Variants in THSD4 observed in about 807,000 individuals in gnomAD.
The protein encoded by THSD4 is thrombospondin type 1 domain containing 4.
THSD4 carries 69 observed loss-of-function variants against 119.0 expected under a neutral mutation model. The ratio of observed to expected loss-of-function variants is 0.58; its 90% CI spans 0.48 to 0.71. The LOEUF is 0.71. Among genes scored for constraint, THSD4 ranks in the 30% least tolerant of loss-of-function variants. The probability of loss-of-function intolerance (pLI) is 0.00; values close to 1 mark genes in which losing one functional copy is unlikely to be tolerated. For synonymous variants in THSD4, 524 were observed against 540.4 expected, an observed-to-expected ratio of 0.97 and a Z score of 0.42; for missense variants, 1,393 against 1,391.1, an observed-to-expected ratio of 1.00 and a Z score of -0.02.
intron 7 of THSD4, among the ~76,000 whole-genome samples, chr15:71,580,415 A>G (rs771171325): frequency 6.6e-6 from 1 of 152,216 alleles, no homozygotes; most frequent in Non-Finnish European, 1.5e-5. Flanking sequence ...TGATATATAT[A>G]TACATTGTAA....
intron 7 of THSD4, among the ~76,000 whole-genome samples, chr15:71,412,879 T>C (rs140418454): frequency 2.6e-5 from 4 of 152,236 alleles, no homozygotes; most frequent in African/African-American, 9.7e-5. Flanking sequence ...ATGAGGTATA[T>C]GTGATATTTT....
At chr15:71,672,772 T>C (rs1411107345) in intron 8 of THSD4, among the ~76,000 whole-genome samples, 1 of 152,208 alleles carries the variant, frequency 6.6e-6, no homozygotes, top group Non-Finnish European at 1.5e-5. Flanking sequence ...TTGGTTCTGT[T>C]TATGTGACGG....
At chr15:71,656,761 G>A (rs1595834865) in intron 7 of THSD4, among the ~76,000 whole-genome samples, 1 of 152,164 alleles carries the variant, frequency 6.6e-6, no homozygotes, top group African/African-American at 2.4e-5. Context: ...TTAGCCTTGG[G>A]CAAATTAACC....
intron 6 of THSD4, among the ~76,000 whole-genome samples, chr15:71,391,860 A>C (rs570331546): frequency 6.6e-6 from 1 of 152,152 alleles, no homozygotes; most frequent in Non-Finnish European, 1.5e-5. Flanking sequence ...TAACAAAATG[A>C]AACTTGCAGG....
At chr15:71,240,494 C>G (rs983655149) in intron 4 of THSD4, among the ~76,000 whole-genome samples, 4 of 152,120 alleles carry the variant, frequency 2.6e-5, no homozygotes, top group African/African-American at 9.7e-5. Context: ...AATGCAGACT[C>G]TCAGGCTGCA....
At chr15:71,411,331 T>TA (rs1305472875) in intron 6 of THSD4, among the ~76,000 whole-genome samples, 1 of 152,144 alleles carries the variant, frequency 6.6e-6, no homozygotes, top group African/African-American at 2.4e-5. Context: ...AATGCACTTT[T>TA]AAAAAGTGTG....
At chr15:71,629,094 C>G (rs535339435) in intron 7 of THSD4, among the ~76,000 whole-genome samples, 2 of 152,294 alleles carry the variant, frequency 1.3e-5, no homozygotes, top group South Asian at 4.1e-4. Flanking sequence ...CCTGACTTTT[C>G]TCACTCTGTC....
In THSD4 at chr15:71,323,179, A is replaced by G. The variant is rs377460817; in HGVS notation, c.1015+66464A>G. 1.3e-3 allele frequency among the ~76,000 whole-genome samples: 194 copies of G among 151,798 alleles called. 12 individuals carry two copies. In the South Asian group the frequency reaches 0.04, roughly 31 times the overall value. On this transcript the variant is annotated intron_variant, in intron 6 of 17. Coordinates refer to ENST00000261862, the MANE Select transcript of THSD4 (RefSeq NM_024817.3). ...AAGTTATGAAGTGCTTACTGTCATCATTCTCTATTGGTTACACAGACTAGT... is the reference window on the plus strand; with the variant it reads ...AAGTTATGAAGTGCTTACTGTCATCGTTCTCTATTGGTTACACAGACTAGT...
At chr15:71,544,376 A>T (rs1308264998) in intron 7 of THSD4, among the ~76,000 whole-genome samples, 2 of 152,240 alleles carry the variant, frequency 1.3e-5, no homozygotes, top group Non-Finnish European at 2.9e-5. Context: ...TGCTCAACGA[A>T]TGTTGGCTGA....
At chr15:71,200,361 C>A (rs553444143) in intron 3 of THSD4, among the ~76,000 whole-genome samples, 1 of 152,204 alleles carries the variant, frequency 6.6e-6, no homozygotes, top group African/African-American at 2.4e-5. Flanking sequence ...TATGGCTCAG[C>A]GTGCTTTGTC....
chr15:71,215,085 C>T lies in THSD4; in HGVS notation c.150C>T (p.Gly50=). ...AEGAPEDDGG[G]GAPGVWGAWG... ...GCGCCCCCGAGGACGACGGCGGCGG[C>T]GGCGCCCCGGGAGTGTGGGGCGCCT... The change falls in exon 4 of 18, where the codon GGC becomes GGT. Residue 50 remains glycine, a synonymous_variant. Transcript: ENST00000261862. 4.6e-6 allele frequency: 6 copies of T among 1,302,662 alleles called. No individual in the cohort carries two copies. The highest frequency in any genetic ancestry group is 2.5e-5 in the South Asian group (1 of 40,222). The allele number at this position is 1,302,662 out of a possible 1,614,324, so 80.7% of individuals were successfully genotyped here.
At chr15:71,578,826 G>A (rs2049504729) in intron 7 of THSD4, among the ~76,000 whole-genome samples, 1 of 144,996 alleles carries the variant, frequency 6.9e-6, no homozygotes, top group African/African-American at 2.5e-5. Context: ...TGACTTGGGG[G>A]ACTCTGGACT....
intron 7 of THSD4, among the ~76,000 whole-genome samples, chr15:71,471,681 G>C (rs2047583345): frequency 6.6e-6 from 1 of 151,540 alleles, no homozygotes; most frequent in East Asian, 1.9e-4. Flanking sequence ...TATGTAGCCT[G>C]AGGCAAGTCC....
chr15:71,162,899 G>A lies in THSD4; in HGVS notation c.99+7967G>A, dbSNP rs1490245414. The stretch of plus-strand genomic sequence containing the variant: ...AGTTCAGAAATTCTTTCTTCTGCTT[G>A]ATCTGGTCTGTTGTTGAAGCTCTTA... On this transcript the variant is annotated intron_variant, in intron 3 of 17. Coordinates refer to ENST00000261862, the MANE Select transcript of THSD4 (RefSeq NM_024817.3). Among the ~76,000 whole-genome samples the A allele has an allele frequency of 2.0e-5, 3 of 151,788 alleles. No individual in the cohort carries two copies. The East Asian group carries it at 5.8e-4, about 29-fold the overall frequency.
intron 6 of THSD4, among the ~76,000 whole-genome samples, chr15:71,391,033 T>C (rs79399675): frequency 0.059 from 8,775 of 149,150 alleles, 351 homozygotes; most frequent in African/African-American, 0.11. Context: ...CTAATTTTTT[T>C]TTTTTTTTTT....
intron 2 of THSD4, among the ~76,000 whole-genome samples, chr15:71,143,006 A>G (rs2040619786): frequency 6.6e-6 from 1 of 152,226 alleles, no homozygotes; most frequent in Non-Finnish European, 1.5e-5. Context: ...AGTGCAGTGC[A>G]TGTGTGTGAG....
chr15:71,358,497 T>C (rs8040261), intron 6 of THSD4, among the ~76,000 whole-genome samples: 150,948 of 152,322 alleles, frequency 0.99, 74,804 homozygotes, highest in Middle Eastern at 1. Context: ...CAGGAACAAG[T>C]GTGGGGCTTT....
rs56405325 is a variant in THSD4, at chr15:71,402,370, A to G, written c.1016-9317A>G. On this transcript the variant is annotated intron_variant, in intron 6 of 17. Coordinates refer to ENST00000261862, the MANE Select transcript of THSD4 (RefSeq NM_024817.3). ...TAGATTAATAACCATTGCTTACAGT[A>G]TGATGACTATGTACATGCACTTCAC... 8.0e-3 allele frequency among the ~76,000 whole-genome samples: 1,221 copies of G among 152,326 alleles called. 19 individuals carry two copies. The highest frequency in any genetic ancestry group is 0.029 in the African/African-American group (1,188 of 41,558).
At position 71,677,041 on chromosome 15, in the gene THSD4, C is replaced by T. The variant is rs548510592; in HGVS notation, c.1357+16307C>T. On this transcript the variant is annotated intron_variant, in intron 8 of 17. Coordinates refer to ENST00000261862, the MANE Select transcript of THSD4 (RefSeq NM_024817.3). ...GAAACTGCCAAACTGCTGTCTACAGCAACTGCCCCATTTTATCTTCCAACC... is the reference window on the plus strand; with the variant it reads ...GAAACTGCCAAACTGCTGTCTACAGTAACTGCCCCATTTTATCTTCCAACC... Among the ~76,000 whole-genome samples the T allele has an allele frequency of 3.3e-5, 5 of 152,342 alleles. No homozygotes were observed. In the East Asian group the frequency reaches 9.6e-4, roughly 29 times the overall value.
Sources: allele counts gnomAD v4.1 joint callset (sites outside exome capture counted in the v4.1 genomes callset), GRCh38; gene constraint gnomAD v4.1.1; transcripts MANE v1.5; gene names NCBI Gene and HGNC (gene_info 2026-07-23, HGNC 2026-07-21).